The following IKZF3 variants were observed in gnomAD, a reference collection of about 807,000 sequenced individuals.
The protein encoded by IKZF3 is IKAROS family zinc finger 3.
A neutral mutation model predicts 49.0 loss-of-function variants in IKZF3; 10 were observed. The observed-to-expected ratio is 0.20, with a 90% CI of 0.13 to 0.35. IKZF3 has a LOEUF of 0.35. IKZF3 is among the 10% of genes least tolerant of loss of function. The pLI, the probability that IKZF3 is intolerant of heterozygous loss-of-function variation, is 1.00. For synonymous variants in IKZF3, 209 were observed against 228.2 expected, an observed-to-expected ratio of 0.92 and a Z score of 0.76; for missense variants, 498 against 664.8, an observed-to-expected ratio of 0.75 and a Z score of 2.76.
intron 1 of IKZF3, among the ~76,000 whole-genome samples, chr17:39,858,787 A>G (rs1184541032): frequency 6.6e-6 from 1 of 151,750 alleles, no homozygotes; most frequent in Non-Finnish European, 1.5e-5. Context: ...ACTGTATACC[A>G]CTTTGGACTT....
At position 39,763,496 on chromosome 17, in the gene IKZF3, A is replaced by T. The variant is rs914070576; in HGVS notation, c.*2294T>A. 11 of 145,330 alleles carry T rather than the reference A, an allele frequency of 7.6e-5. No homozygotes were observed. The highest frequency in any genetic ancestry group is 1.5e-4 in the Non-Finnish European group (10 of 66,122). 9.0% of individuals were successfully genotyped at this position (145,330 alleles called of 1,614,324 possible). On this transcript the variant is annotated 3_prime_UTR_variant, in exon 8 of 8. Transcript: ENST00000346872. The stretch of plus-strand genomic sequence containing the variant: ...TCCCTAACATAATTTCTTAAAAAGT[A>T]AAAAAAAAAAGAAGGCTTTGGCAAA...
At chr17:39,835,876 T>C in intron 1 of IKZF3, 1 of 634,270 alleles carries the variant, frequency 1.6e-6, no homozygotes, top group South Asian at 1.4e-5. Flanking sequence ...TCCTCGTACT[T>C]GTTCTTGAAG....
At chr17:39,831,990 C>T (rs373593778) in intron 2 of IKZF3, 108 bp downstream of exon 2, 33 of 759,990 alleles carry the variant, frequency 4.3e-5, no homozygotes, top group Admixed American at 1.8e-4. Context: ...AAAAAACACA[C>T]ACACATTTCC....
At chr17:39,785,910 C>A (rs981707527) in intron 6 of IKZF3, among the ~76,000 whole-genome samples, 1 of 152,166 alleles carries the variant, frequency 6.6e-6, no homozygotes, top group Non-Finnish European at 1.5e-5. Context: ...CTTCAGCATA[C>A]ATAAATGCCT....
intron 1 of IKZF3, chr17:39,839,399 T>C: frequency 1.7e-6 from 1 of 600,430 alleles, no homozygotes; most frequent in Non-Finnish European, 3.2e-6. Context: ...TTTTCCAATG[T>C]CTCCTTTTGG....
chr17:39,770,998 T>C (rs181648550), intron 7 of IKZF3, among the ~76,000 whole-genome samples: 39 of 152,236 alleles, frequency 2.6e-4, no homozygotes, highest in African/African-American at 8.7e-4. Context: ...TTTTAAGGTA[T>C]GAATTATCAT....
In IKZF3 at chr17:39,760,905, C is replaced by G. The variant is rs1027472148; in HGVS notation, c.*4885G>C. On this transcript the variant is annotated 3_prime_UTR_variant, in exon 8 of 8. Coordinates refer to ENST00000346872, the MANE Select transcript of IKZF3 (RefSeq NM_012481.5). ...GTGGCTCTTGCCTGTAGTTCCAGCA[C>G]TTTGGGAGGCTGAGGTGGGCAGATT... 8 of 152,202 alleles carry G rather than the reference C, an allele frequency of 5.3e-5. No individual in the cohort carries two copies. The highest frequency in any genetic ancestry group is 2.0e-4 in the Admixed American group (3 of 15,284). The allele number at this position is 152,202 out of a possible 1,614,324, so 9.4% of individuals were successfully genotyped here. A position where few individuals can be genotyped will look rare whatever the true frequency, so the allele number is the denominator to read the frequency against.
At chr17:39,799,270 A>G (rs1169651223) in intron 3 of IKZF3, among the ~76,000 whole-genome samples, 1 of 152,118 alleles carries the variant, frequency 6.6e-6, no homozygotes, top group East Asian at 1.9e-4. Flanking sequence ...GTGTATGAAT[A>G]TATCATTGCA....
intron 3 of IKZF3, among the ~76,000 whole-genome samples, chr17:39,800,544 C>T (rs1479397714): frequency 6.6e-6 from 1 of 152,030 alleles, no homozygotes; most frequent in Non-Finnish European, 1.5e-5. Flanking sequence ...TGAATCTAAC[C>T]CATAGGAAAT....
rs1442383739 is a variant in IKZF3 at position 39,759,923 on chromosome 17, T to G, written c.*5867A>C. On this transcript the variant is annotated 3_prime_UTR_variant, in exon 8 of 8. Transcript: ENST00000346872. ...CTGGTGCTAACTTTTAGGACAAAGT[T>G]TCACCACTCCCTTTTCTCTTCTTGA... The G allele has an allele frequency of 6.6e-6, 1 of 152,208 alleles. No individual in the cohort carries two copies. The allele number at this position is 152,208 out of a possible 1,614,324, so 9.4% of individuals were successfully genotyped here. A position where few individuals can be genotyped will look rare whatever the true frequency, so the allele number is the denominator to read the frequency against.
At chr17:39,855,365 A>T (rs34225322) in intron 1 of IKZF3, among the ~76,000 whole-genome samples, 4,060 of 152,276 alleles carry the variant, frequency 0.027, 188 homozygotes, top group African/African-American at 0.093. Context: ...AGTAGTAGTT[A>T]TAAAATCTAT....
chr17:39,792,588 C>T, intron 4 of IKZF3, 85 bp downstream of exon 4: 2 of 1,423,232 alleles, frequency 1.4e-6, no homozygotes, highest in Non-Finnish European at 1.9e-6. Flanking sequence ...TGAAAGTAAC[C>T]AAAAGTTCCA....
intron 3 of IKZF3, among the ~76,000 whole-genome samples, chr17:39,809,588 T>C (rs1176766464): frequency 1.3e-5 from 2 of 152,222 alleles, no homozygotes; most frequent in African/African-American, 4.8e-5. Context: ...CTGAATACTA[T>C]GTCAACCTAT....
chr17:39,825,786 G>A (rs1033181265), intron 3 of IKZF3, among the ~76,000 whole-genome samples: 6 of 152,200 alleles, frequency 3.9e-5, no homozygotes, highest in East Asian at 3.9e-4. Flanking sequence ...AAATATCAAC[G>A]AAGTCTTGGG....
intron 3 of IKZF3, among the ~76,000 whole-genome samples, chr17:39,796,930 C>T (rs1209691561): frequency 2.0e-5 from 3 of 150,690 alleles, no homozygotes; most frequent in South Asian, 4.2e-4. Context: ...TTTGGGAGGC[C>T]GAGGCGGGTG....
At position 39,805,919 on chromosome 17, in the gene IKZF3, G is replaced by A. The variant is rs111967808; in HGVS notation, c.164-12986C>T. Among the ~76,000 whole-genome samples, 975 of 152,316 alleles carry A rather than the reference G, an allele frequency of 6.4e-3. 10 individuals are homozygous for A. Among genetic ancestry groups the A allele is most frequent in the African/African-American group, 0.022 (902 of 41,572 alleles). ...CAGCAGCTTCTAATGATCACAGAGA[G>A]GTTTCTACTAACAATATTCAAGTAA... is the stretch of plus-strand genomic sequence containing the variant. On this transcript the variant is annotated intron_variant, in intron 3 of 7. Coordinates refer to ENST00000346872, the MANE Select transcript of IKZF3 (RefSeq NM_012481.5).
rs534094783 is a variant in IKZF3 at position 39,774,113 on chromosome 17, C to T, written c.826+3538G>A. ...CATCTCTAATGGATGCAAAATGCTC[C>T]CTACTGGTAATTATCGCCAGCCCGC... On this transcript the variant is annotated intron_variant, in intron 7 of 7. Coordinates refer to ENST00000346872, the MANE Select transcript of IKZF3 (RefSeq NM_012481.5). Among the ~76,000 whole-genome samples the T allele has an allele frequency of 2.6e-5, 4 of 152,166 alleles. No individual in the cohort carries two copies. The South Asian group carries it at 6.2e-4, about 24-fold the overall frequency.
rs372073414 is a variant in IKZF3 at position 39,791,429 on chromosome 17, A to C, written c.579T>G (p.Leu193=). The C allele has an allele frequency of 3.1e-6, 5 of 1,613,782 alleles. No homozygotes were observed. The highest frequency in any genetic ancestry group is 4.2e-6 in the Non-Finnish European group (5 of 1,179,900). ...TCTCTCACTTACCAGAATGTGTCCT[A>C]AGATGCCCCGTGAGCGCATCTCTTC... ...CQRRDALTGH[L]RTHSVEKPYK... is the part of the protein sequence containing the mutation. Residue 193 remains leucine, a synonymous_variant, in exon 5 of 8, where the codon CTT becomes CTG. Coordinates refer to ENST00000346872, the MANE Select transcript of IKZF3 (RefSeq NM_012481.5).
intron 1 of IKZF3, among the ~76,000 whole-genome samples, chr17:39,850,709 ATACATTATATATATACATATATAATAGGC>A (rs1325646609): frequency 8.6e-6 from 1 of 116,208 alleles, no homozygotes; most frequent in East Asian, 2.2e-4. Context: ...ATTATATATA[ATACATTATATATATACATATATAATAGGC>A]TATATAGTAT....
Sources: gnomAD v4.1 joint callset for allele counts (sites outside exome capture counted in the v4.1 genomes callset) on GRCh38, gnomAD v4.1.1 for gene constraint, MANE v1.5 for transcripts, NCBI Gene and HGNC (gene_info 2026-07-23, HGNC 2026-07-21) for gene names.